Variants in MCTP1 observed in about 807,000 individuals in gnomAD.
MCTP1 encodes multiple C2 and transmembrane domain-containing protein 1.
MCTP1 carries 69 observed loss-of-function variants against 120.6 expected under a neutral mutation model. The ratio of observed to expected loss-of-function variants is 0.57; its 90% CI spans 0.47 to 0.70. The LOEUF is 0.70. Among genes scored for constraint, MCTP1 ranks in the 30% least tolerant of loss-of-function variants. MCTP1 has a pLI of 0.00. For synonymous variants in MCTP1, 529 were observed against 493.1 expected (o/e 1.07, Z -0.96); for missense variants, 1,203 against 1,248.8 (o/e 0.96, Z 0.55).
chr5:94,811,172 C>G (rs541985124), intron 17 of MCTP1, among the ~76,000 whole-genome samples: 16 of 152,260 alleles, frequency 1.1e-4, no homozygotes, highest in African/African-American at 3.4e-4. Flanking sequence ...ATTTTAACAG[C>G]CTTCTTTACT....
intron 17 of MCTP1, among the ~76,000 whole-genome samples, chr5:94,805,983 C>T: frequency 6.6e-6 from 1 of 151,422 alleles, no homozygotes. Flanking sequence ...CCCCCTTCCT[C>T]TAGGATAACT....
chr5:95,272,949 C>G (rs992652328), intron 1 of MCTP1, among the ~76,000 whole-genome samples: 1 of 152,216 alleles, frequency 6.6e-6, no homozygotes, highest in Non-Finnish European at 1.5e-5. Flanking sequence ...CACAGCCAAA[C>G]CCCATTACTG....
At chr5:95,011,884 G>C (rs929084392) in intron 2 of MCTP1, among the ~76,000 whole-genome samples, 1 of 151,998 alleles carries the variant, frequency 6.6e-6, no homozygotes, top group Non-Finnish European at 1.5e-5. Context: ...ATGTGATTTT[G>C]ACATTTTGCC....
intron 9 of MCTP1, among the ~76,000 whole-genome samples, chr5:94,909,965 G>A (rs546819932): frequency 1.1e-3 from 163 of 152,108 alleles, no homozygotes; most frequent in African/African-American, 3.8e-3. Context: ...AGATGGATAA[G>A]CTGAGACCTA....
chr5:94,991,185 A>G (rs1831490234), intron 2 of MCTP1, among the ~76,000 whole-genome samples: 1 of 152,194 alleles, frequency 6.6e-6, no homozygotes, highest in Admixed American at 6.6e-5. Context: ...AAAAGTTAAA[A>G]TATAATCTTG....
chr5:95,092,039 G>A (rs1161109742), intron 1 of MCTP1, among the ~76,000 whole-genome samples: 1 of 152,144 alleles, frequency 6.6e-6, no homozygotes, highest in Non-Finnish European at 1.5e-5. Flanking sequence ...TTAAAGAAAG[G>A]GGTCTCTTAT....
chr5:94,901,522 G>T (rs1271532712), intron 10 of MCTP1, among the ~76,000 whole-genome samples: 1 of 152,128 alleles, frequency 6.6e-6, no homozygotes, highest in East Asian at 1.9e-4. Flanking sequence ...ACCTCAGAGA[G>T]TGAGAAAAAT....
chr5:95,004,128 C>T (rs931644979), intron 2 of MCTP1, among the ~76,000 whole-genome samples: 2 of 152,260 alleles, frequency 1.3e-5, no homozygotes, highest in Non-Finnish European at 2.9e-5. Context: ...GGTGGCATTG[C>T]GTTTCTGCTC....
rs534019520 is a variant in MCTP1, at chr5:95,025,180, A to T, written c.721-7696T>A. ...AGATTTCAAAATCGATTACAAAGTGATAATAATCAAAACAACGAGGTACTG... is the reference window on the plus strand; with the variant it reads ...AGATTTCAAAATCGATTACAAAGTGTTAATAATCAAAACAACGAGGTACTG... On this transcript the variant is annotated intron_variant, in intron 1 of 22. Transcript: ENST00000515393. Among the ~76,000 whole-genome samples the T allele has an allele frequency of 2.0e-4, 31 of 152,330 alleles. No homozygotes were observed. In the South Asian group the frequency reaches 6.4e-3, roughly 32 times the overall value.
At chr5:95,011,646 A>T (rs1012944679) in intron 2 of MCTP1, among the ~76,000 whole-genome samples, 5 of 152,040 alleles carry the variant, frequency 3.3e-5, no homozygotes, top group Non-Finnish European at 5.9e-5. Flanking sequence ...CATGAAGAAG[A>T]TGCTTGATTC....
Position 95,269,544 on chromosome 5 carries a change from G to A in MCTP1, c.720+14312C>T, listed in dbSNP as rs148991561. On this transcript the variant is annotated intron_variant, in intron 1 of 22. Transcript: ENST00000515393. ...TGGAAACTTTTCTTCAACTAATGGT[G>A]GCACCTTCCTCTAGCCTTCTCTCCA... Among the ~76,000 whole-genome samples, 627 of 152,282 alleles carry A rather than the reference G, an allele frequency of 4.1e-3. 5 individuals are homozygous for A. Among genetic ancestry groups the A allele is most frequent in the Non-Finnish European group, 7.3e-3 (498 of 68,030 alleles).
intron 2 of MCTP1, among the ~76,000 whole-genome samples, chr5:94,974,621 TAAGTC>T (rs1277647868): frequency 1.3e-5 from 2 of 151,998 alleles, no homozygotes; most frequent in African/African-American, 4.8e-5. Context: ...TTGGCTTTGT[TAAGTC>T]AAGAGAAAAA....
intron 12 of MCTP1, among the ~76,000 whole-genome samples, chr5:94,884,534 C>T (rs936675045): frequency 6.7e-6 from 1 of 148,838 alleles, no homozygotes; most frequent in African/African-American, 2.5e-5. Context: ...CCCCAGGGAA[C>T]GCCGGACTGC....
intron 2 of MCTP1, among the ~76,000 whole-genome samples, chr5:94,992,541 G>A (rs1831789575): frequency 6.6e-6 from 1 of 152,182 alleles, no homozygotes; most frequent in Admixed American, 6.5e-5. Flanking sequence ...CTCCTACACA[G>A]TATCTCCAAT....
intron 1 of MCTP1, among the ~76,000 whole-genome samples, chr5:95,116,580 A>C (rs1757840189): frequency 6.6e-6 from 1 of 151,886 alleles, no homozygotes; most frequent in Non-Finnish European, 1.5e-5. Context: ...AAGAATTCCA[A>C]TGGTAGTTTA....
chr5:94,778,862 C>G (rs752395425), intron 19 of MCTP1, among the ~76,000 whole-genome samples: 1 of 152,168 alleles, frequency 6.6e-6, no homozygotes, highest in African/African-American at 2.4e-5. Flanking sequence ...AAGTTCCAGA[C>G]AAGCTGAATT....
chr5:94,787,914 A>G (rs1778101694), intron 18 of MCTP1, among the ~76,000 whole-genome samples: 1 of 152,302 alleles, frequency 6.6e-6, no homozygotes, highest in African/African-American at 2.4e-5. Context: ...TCCCCATTTT[A>G]TTGGTGAGGA....
At chr5:95,199,911 A>T (rs1336077405) in intron 1 of MCTP1, among the ~76,000 whole-genome samples, 1 of 151,550 alleles carries the variant, frequency 6.6e-6, no homozygotes, top group East Asian at 1.9e-4. Flanking sequence ...CTGTAACCCC[A>T]GCACTCTGGG....
At chr5:95,162,469 T>C (rs942878588) in intron 1 of MCTP1, among the ~76,000 whole-genome samples, 1 of 152,152 alleles carries the variant, frequency 6.6e-6, no homozygotes, top group Non-Finnish European at 1.5e-5. Flanking sequence ...TTTTAGATTA[T>C]TTACAGGCTG....
Sources: gnomAD v4.1 joint callset for allele counts (sites outside exome capture counted in the v4.1 genomes callset) on GRCh38, gnomAD v4.1.1 for gene constraint, MANE v1.5 for transcripts, NCBI Gene and HGNC (gene_info 2026-07-23, HGNC 2026-07-21) for gene names.